Variants in NDST4 observed in about 807,000 individuals in gnomAD.
NDST4 encodes the protein N-deacetylase and N-sulfotransferase 4.
A neutral mutation model predicts 100.8 loss-of-function variants in NDST4; 63 were observed. The observed-to-expected ratio is 0.62, with a 90% confidence interval of 0.51 to 0.77. The LOEUF is 0.77. Among genes scored for constraint, NDST4 ranks in the 30% least tolerant of loss-of-function variants. The probability of loss-of-function intolerance (pLI) is 0.00; values close to 1 mark genes in which losing one functional copy is unlikely to be tolerated. For missense variants in NDST4, 943 were observed against 1,018.4 expected, an observed-to-expected ratio of 0.93 and a Z score of 1.01; for synonymous variants, 377 against 361.8, an observed-to-expected ratio of 1.04 and a Z score of -0.48.
At chr4:114,994,199 T>C (rs279508) in intron 2 of NDST4, among the ~76,000 whole-genome samples, 63,262 of 151,748 alleles carry the variant, frequency 0.42, 14,376 homozygotes, top group African/African-American at 0.61. Flanking sequence ...ATTTAAAATA[T>C]GTAATTTTCT....
At chr4:115,030,214 T>G (rs547565768) in intron 2 of NDST4, among the ~76,000 whole-genome samples, 1 of 152,242 alleles carries the variant, frequency 6.6e-6, no homozygotes, top group South Asian at 2.1e-4. Context: ...TATTCTGGCT[T>G]GTCTACCAGC....
At chr4:115,073,529 T>C (rs1729121048) in intron 2 of NDST4, among the ~76,000 whole-genome samples, 1 of 151,918 alleles carries the variant, frequency 6.6e-6, no homozygotes, top group African/African-American at 2.4e-5. Context: ...ATGGATGAAC[T>C]AGAGGACATT....
intron 2 of NDST4, among the ~76,000 whole-genome samples, chr4:114,992,801 TCTCTAAATCTCTGATCTAAA>T (rs1277193815): frequency 1.3e-5 from 2 of 151,838 alleles, no homozygotes; most frequent in African/African-American, 4.8e-5. Context: ...GCTTAACCAG[TCTCTAAATCTCTGATCTAAA>T]CTCTAAATCT....
At chr4:115,103,081 G>A (rs1467776526) in intron 1 of NDST4, among the ~76,000 whole-genome samples, 1 of 151,964 alleles carries the variant, frequency 6.6e-6, no homozygotes, top group African/African-American at 2.4e-5. Context: ...TCATTTTTGG[G>A]TGATATAACA....
chr4:115,035,606 T>C (rs958829879), intron 2 of NDST4, among the ~76,000 whole-genome samples: 1 of 152,094 alleles, frequency 6.6e-6, no homozygotes, highest in South Asian at 2.1e-4. Context: ...TTAAAATACA[T>C]GCTGTGTTAT....
intron 5 of NDST4, among the ~76,000 whole-genome samples, chr4:114,936,405 T>C (rs1243821399): frequency 6.6e-6 from 1 of 152,172 alleles, no homozygotes; most frequent in African/African-American, 2.4e-5. Flanking sequence ...GTGCATTTGC[T>C]TTACTCACAG....
intron 2 of NDST4, among the ~76,000 whole-genome samples, chr4:115,051,416 C>A (rs113970427): frequency 6.6e-6 from 1 of 151,934 alleles, no homozygotes; most frequent in African/African-American, 2.4e-5. Context: ...ATTTTCCCAT[C>A]CTTTCTATCC....
intron 4 of NDST4, among the ~76,000 whole-genome samples, chr4:114,951,111 G>A (rs1480496926): frequency 6.6e-6 from 1 of 152,028 alleles, no homozygotes; most frequent in East Asian, 1.9e-4. Context: ...ACAAATGAAA[G>A]GAGGGATGTA....
At chr4:114,845,738 G>A (rs1723533927) in intron 10 of NDST4, 85 bp downstream of exon 10, 3 of 1,250,514 alleles carry the variant, frequency 2.4e-6, no homozygotes, top group Non-Finnish European at 3.3e-6. Context: ...CTTTTCATAT[G>A]TTTAGGTTCT....
At chr4:114,960,148 A>G (rs1301130809) in intron 4 of NDST4, among the ~76,000 whole-genome samples, 1 of 152,232 alleles carries the variant, frequency 6.6e-6, no homozygotes, top group Non-Finnish European at 1.5e-5. Flanking sequence ...TAAATCAGTA[A>G]TTGTATATCT....
In NDST4 at chr4:114,858,124, A is replaced by T. The variant is rs9992947; in HGVS notation, c.1720-5303T>A. Among the ~76,000 whole-genome samples, 402 of 152,310 alleles carry T rather than the reference A, an allele frequency of 2.6e-3. 3 individuals carry two copies. Among genetic ancestry groups the T allele is most frequent in the African/African-American group, 9.2e-3 (384 of 41,572 alleles). ...GACCTCTTTCCCCTATGTCTTCTGT[A>T]GTTACTGCCAGTGCTGAATATCTGA... On this transcript the variant is annotated intron_variant, in intron 7 of 13. Transcript: ENST00000264363.
chr4:115,064,302 A>G (rs1728885744), intron 2 of NDST4, among the ~76,000 whole-genome samples: 1 of 152,076 alleles, frequency 6.6e-6, no homozygotes, highest in South Asian at 2.1e-4. Context: ...AAATAAACAC[A>G]TAAAACTAAA....
In NDST4 at chr4:115,022,464, CAT is replaced by C. The variant is rs146106879; in HGVS notation, c.979-45192_979-45191del. Among the ~76,000 whole-genome samples, 7 of 112,380 alleles carry C rather than the reference CAT, an allele frequency of 6.2e-5. 1 individual carries two copies. The highest frequency in any genetic ancestry group is 4.3e-4 in the African/African-American group (7 of 16,254). The allele number at this position is 112,380 out of a possible 152,430, so 73.7% of individuals were successfully genotyped here. ...ATATGTGTTCCATATATATGTGTTC[CAT>C]ATATATGTGTTCCATATATATGTTC... On this transcript the variant is annotated intron_variant, in intron 2 of 13. Transcript: ENST00000264363.
At chr4:114,899,390 G>A (rs1164478203) in intron 6 of NDST4, among the ~76,000 whole-genome samples, 1 of 152,062 alleles carries the variant, frequency 6.6e-6, no homozygotes, top group Admixed American at 6.5e-5. Flanking sequence ...GGTTAGCCAG[G>A]ATGGTCTGGA....
At chr4:114,949,548 T>C (rs1725943346) in intron 4 of NDST4, among the ~76,000 whole-genome samples, 1 of 152,078 alleles carries the variant, frequency 6.6e-6, no homozygotes, top group Non-Finnish European at 1.5e-5. Context: ...CAGATTCTCT[T>C]GGCATTTGCT....
intron 2 of NDST4, among the ~76,000 whole-genome samples, chr4:114,984,528 T>C (rs1726855976): frequency 6.6e-6 from 1 of 152,186 alleles, no homozygotes; most frequent in Non-Finnish European, 1.5e-5. Flanking sequence ...TAGTGTTTGT[T>C]TTATATGGTC....
At chr4:115,099,441 A>G (rs1173044154) in intron 1 of NDST4, among the ~76,000 whole-genome samples, 3 of 152,178 alleles carry the variant, frequency 2.0e-5, no homozygotes, top group Non-Finnish European at 1.5e-5. Context: ...TTTCCAAAAT[A>G]TACAAAGAAC....
intron 10 of NDST4, 125 bp from the exon 11 acceptor site, chr4:114,839,673 A>G: frequency 1.6e-6 from 1 of 633,616 alleles, no homozygotes; most frequent in Non-Finnish European, 2.6e-6. Flanking sequence ...TGTGTCCTTT[A>G]TGTCACAAAA....
At chr4:115,093,285 C>G (rs536745127) in intron 1 of NDST4, among the ~76,000 whole-genome samples, 2 of 152,010 alleles carry the variant, frequency 1.3e-5, no homozygotes, top group Non-Finnish European at 2.9e-5. Context: ...ACTATCCTGG[C>G]TAACACGGTG....
Sources: gnomAD v4.1 joint callset for allele counts (sites outside exome capture counted in the v4.1 genomes callset) on GRCh38, gnomAD v4.1.1 for gene constraint, MANE v1.5 for transcripts, NCBI Gene and HGNC (gene_info 2026-07-23, HGNC 2026-07-21) for gene names.